The following FAM83A variants were observed in gnomAD, a reference collection of about 807,000 sequenced individuals.
FAM83A encodes the protein protein FAM83A.
In FAM83A, 21 loss-of-function variants were observed where a neutral mutation model predicts 24.4. That is an observed-to-expected ratio of 0.86 (90% CI 0.61 to 1.24). The LOEUF (loss-of-function observed/expected upper bound fraction) is 1.24. Ranked by LOEUF, FAM83A falls within the 50% of genes most tolerant of loss-of-function variation. The pLI, the probability that FAM83A is intolerant of heterozygous loss-of-function variation, is 0.00. For missense variants in FAM83A, 617 were observed against 579.8 expected (o/e 1.06, Z -0.66); for synonymous variants, 270 against 252.4 (o/e 1.07, Z -0.66).
intron 3 of FAM83A, chr8:123,201,532 A>T (rs769445941): frequency 6.6e-6 from 1 of 152,212 alleles, no homozygotes; most frequent in Non-Finnish European, 1.5e-5. Flanking sequence ...CTTTCAGGGG[A>T]TCATCTTCAC....
At chr8:123,204,007 G>A (rs796279970) in intron 3 of FAM83A, among the ~76,000 whole-genome samples, 5 of 150,466 alleles carry the variant, frequency 3.3e-5, no homozygotes, top group African/African-American at 1.2e-4. Flanking sequence ...TATGGAAAAA[G>A]GAAAGCAAGG....
chr8:123,195,587 C>T (rs528993430), intron 3 of FAM83A, among the ~76,000 whole-genome samples: 1 of 152,258 alleles, frequency 6.6e-6, no homozygotes, highest in Non-Finnish European at 1.5e-5. Context: ...GACTGGGTAG[C>T]TTATAAACAA....
At position 123,183,355 on chromosome 8, in the gene FAM83A, C is replaced by T. The variant is rs1181687002; in HGVS notation, c.480+19C>T. On this transcript the variant is annotated intron_variant, in intron 1 of 3. Transcript: ENST00000690554. ...TAGCCAGGTACCGATGGCAAAGCCCCTGTCTCCGTGGCCAAGTAGCAGGGA... is the reference window on the plus strand; with the variant it reads ...TAGCCAGGTACCGATGGCAAAGCCCTTGTCTCCGTGGCCAAGTAGCAGGGA... 3.1e-6 allele frequency: 5 copies of T among 1,597,590 alleles called. No individual in the cohort carries two copies. Among genetic ancestry groups the T allele is most frequent in the African/African-American group, 2.7e-5 (2 of 74,654 alleles).
At chr8:123,207,637 G>C (rs571670248) in exon 4 of FAM83A, 1 of 1,546,674 alleles carries the variant, frequency 6.5e-7, no homozygotes, top group Non-Finnish European at 8.7e-7. Context: ...GCCTGGTGCC[G>C]AGGCTGACTC....
intron 3 of FAM83A, among the ~76,000 whole-genome samples, chr8:123,196,848 G>GA (rs1421100103): frequency 6.6e-6 from 1 of 152,218 alleles, no homozygotes; most frequent in Non-Finnish European, 1.5e-5. Flanking sequence ...CCAAGTCTGG[G>GA]AAAAGCTAGG....
intron 1 of FAM83A, among the ~76,000 whole-genome samples, chr8:123,185,744 G>A (rs1811153000): frequency 6.6e-6 from 1 of 152,150 alleles, no homozygotes; most frequent in Non-Finnish European, 1.5e-5. Flanking sequence ...ATAATTATTG[G>A]TTAACAGGCA....
At chr8:123,191,037 A>G (rs1405974315) in intron 1 of FAM83A, among the ~76,000 whole-genome samples, 1 of 152,226 alleles carries the variant, frequency 6.6e-6, no homozygotes, top group Admixed American at 6.5e-5. Context: ...CCATTGGTCT[A>G]GCCTTGGTCA....
chr8:123,183,888 G>A (rs537893009), intron 1 of FAM83A, among the ~76,000 whole-genome samples: 10 of 151,854 alleles, frequency 6.6e-5, no homozygotes, highest in African/African-American at 2.2e-4. Flanking sequence ...TAGAGAAGAG[G>A]TTTCACCATG....
chr8:123,197,325 TTC>T (rs1645412079), intron 3 of FAM83A, among the ~76,000 whole-genome samples: 1 of 152,226 alleles, frequency 6.6e-6, no homozygotes, highest in Admixed American at 6.5e-5. Flanking sequence ...CACACCTTCC[TTC>T]CCAGCTTGCC....
At chr8:123,182,060 C>T (rs750793119), upstream of FAM83A, 12 of 456,278 alleles carry the variant, frequency 2.6e-5, no homozygotes, top group South Asian at 1.1e-4. Flanking sequence ...GCTCGTGGGC[C>T]GCCGGCAGCC....
chr8:123,184,417 T>C (rs1319993803), intron 1 of FAM83A, among the ~76,000 whole-genome samples: 1 of 152,022 alleles, frequency 6.6e-6, no homozygotes, highest in East Asian at 1.9e-4. Context: ...ATCCAGCCAG[T>C]GGCCAGGCAG....
chr8:123,209,538 T>C lies in FAM83A; in HGVS notation c.*1850T>C. 8 of 1,613,606 alleles carry C rather than the reference T, an allele frequency of 5.0e-6. No homozygotes were observed. The highest frequency in any genetic ancestry group is 1.3e-5 in the African/African-American group (1 of 75,006). ...GTTGTTTCACAGCTGACGGCTGAGA[T>C]GAGGTTAGAATGACTGGGCCCGGCT... is the stretch of plus-strand genomic sequence containing the variant. On this transcript the variant is annotated 3_prime_UTR_variant, in exon 4 of 4. Transcript: ENST00000690554. This position sits in a 1 kb window ranked among gnomAD's most constrained non-coding sequence, Gnocchi z 4.7.
intron 3 of FAM83A, chr8:123,201,880 C>T (rs1824371160): frequency 1.3e-5 from 2 of 152,424 alleles, no homozygotes; most frequent in African/African-American, 4.8e-5. Flanking sequence ...TAAGGAAGTG[C>T]TCTGGGGTCA....
At position 123,209,510 on chromosome 8, in the gene FAM83A, C is replaced by A; in HGVS notation, c.*1822C>A. The A allele has an allele frequency of 6.2e-7, 1 of 1,614,172 alleles. No individual in the cohort carries two copies. The highest frequency in any genetic ancestry group is 8.5e-7 in the Non-Finnish European group (1 of 1,180,034). On this transcript the variant is annotated 3_prime_UTR_variant, in exon 4 of 4. Coordinates refer to ENST00000690554, the Ensembl canonical transcript of FAM83A. The surrounding 1 kb of genome is among the most constrained non-coding windows in gnomAD (Gnocchi z 4.7). The stretch of plus-strand genomic sequence containing the variant: ...ATGGCTTTCTGAACCCAGCCCTGAC[C>A]TTGTTGTTTCACAGCTGACGGCTGA...
intron 3 of FAM83A, chr8:123,202,342 T>G (rs1824390645): frequency 6.5e-6 from 1 of 153,164 alleles, no homozygotes; most frequent in Non-Finnish European, 1.5e-5. Flanking sequence ...GTCGGAGAGC[T>G]CATTCCTGCT....
At chr8:123,186,280 G>C (rs894062833) in intron 1 of FAM83A, among the ~76,000 whole-genome samples, 3 of 152,162 alleles carry the variant, frequency 2.0e-5, no homozygotes, top group Non-Finnish European at 4.4e-5. Context: ...CCCACGTGCA[G>C]GGACTCAGGG....
At chr8:123,183,671 CTTTTTTTCTTTCTTTTT>C (rs1823693203) in intron 1 of FAM83A, among the ~76,000 whole-genome samples, 2 of 148,376 alleles carry the variant, frequency 1.3e-5, no homozygotes, top group South Asian at 4.3e-4. Flanking sequence ...TTTTTCTTTT[CTTTTTTTCTTTCTTTTT>C]TTTTTTCTTT....
chr8:123,203,211 A>T lies in FAM83A; in HGVS notation c.774-3946A>T, dbSNP rs193260392. On this transcript the variant is annotated intron_variant, in intron 3 of 3. Coordinates refer to ENST00000690554, the Ensembl canonical transcript of FAM83A. ...CAGTAGATTTCTTTAAAAGGAAAAC[A>T]TACACACATTAAAAAAAAAAAAGCA... Among the ~76,000 whole-genome samples, 5 of 148,988 alleles carry T rather than the reference A, an allele frequency of 3.4e-5. No individual in the cohort carries two copies. The East Asian group carries it at 9.8e-4, about 29-fold the overall frequency.
exon 4 of FAM83A, chr8:123,207,246 A>C (rs972769111): frequency 1.2e-6 from 2 of 1,611,604 alleles, no homozygotes; most frequent in Non-Finnish European, 1.7e-6. Flanking sequence ...GAGTTCCGCC[A>C]CCTCTACGCC....
Sources: allele counts gnomAD v4.1 joint callset (sites outside exome capture counted in the v4.1 genomes callset), GRCh38; gene constraint gnomAD v4.1.1; non-coding constraint Gnocchi (gnomAD v3.1); transcripts MANE v1.5; gene names NCBI Gene and HGNC (gene_info 2026-07-23, HGNC 2026-07-21).